Variants in YTHDC2 observed in about 807,000 individuals in gnomAD.
YTHDC2 encodes the protein 3'-5' RNA helicase YTHDC2.
Under a neutral mutation model 174.9 loss-of-function variants are expected in YTHDC2, and 45 were observed. The observed-to-expected ratio is 0.26, with a 90% confidence interval of 0.20 to 0.33. The LOEUF is 0.33. Ranked by LOEUF, YTHDC2 falls within the 10% of genes least tolerant of loss-of-function variation. YTHDC2 has a pLI of 1.00. For synonymous variants in YTHDC2, 657 were observed against 574.5 expected, an observed-to-expected ratio of 1.14 and a Z score of -2.05; for missense variants, 1,650 against 1,723.7, an observed-to-expected ratio of 0.96 and a Z score of 0.76.
intron 3 of YTHDC2, among the ~76,000 whole-genome samples, chr5:113,525,982 T>TA (rs1188650424): frequency 6.6e-6 from 1 of 152,138 alleles, no homozygotes; most frequent in Non-Finnish European, 1.5e-5. Context: ...TCTGTTTAGT[T>TA]AAATGTGGAT....
rs1370289205 is a variant in YTHDC2 at position 113,594,491 on chromosome 5, T to C, written c.*1017T>C. 1 of 152,204 alleles carries C rather than the reference T, an allele frequency of 6.6e-6. No individual in the cohort carries two copies. The highest frequency in any genetic ancestry group is 1.5e-5 in the Non-Finnish European group (1 of 68,034). The allele number at this position is 152,204 out of a possible 1,614,324, so 9.4% of individuals were successfully genotyped here. A position where few individuals can be genotyped will look rare whatever the true frequency, so the allele number is the denominator to read the frequency against. On this transcript the variant is annotated 3_prime_UTR_variant, in exon 30 of 30. Transcript: ENST00000161863. ...TTTCACTGGCTTATGTTTTCAGATA[T>C]GATTTTCCTTTTTCGCATATATGGT...
intron 2 of YTHDC2, among the ~76,000 whole-genome samples, chr5:113,520,701 A>T (rs1773804039): frequency 6.6e-6 from 1 of 152,174 alleles, no homozygotes; most frequent in Non-Finnish European, 1.5e-5. Flanking sequence ...GTTCTTTCTT[A>T]TACATTAAAT....
chr5:113,588,240 T>C (rs1305956249), intron 26 of YTHDC2, among the ~76,000 whole-genome samples: 1 of 152,092 alleles, frequency 6.6e-6, no homozygotes, highest in Non-Finnish European at 1.5e-5. Context: ...CAGCAAAATA[T>C]TGTTCAGTGT....
In YTHDC2 at chr5:113,563,930, A is replaced by G. The variant is rs1561679242; in HGVS notation, c.2514A>G (p.Glu838=). Residue 838 remains glutamate (E), a synonymous_variant, in exon 20 of 30, where the codon GAA becomes GAG. Transcript: ENST00000161863. The part of the protein sequence containing the change: ...LGYHLADLPV[E]PHLGKMVLCA... ...ATCATTTGGCTGACTTGCCAGTAGA[A>G]CCACATCTTGGTAAAATGGTCTTGT... is the stretch of plus-strand genomic sequence containing the variant. The G allele has an allele frequency of 4.3e-6, 7 of 1,614,136 alleles. No homozygotes were observed. The Middle Eastern group carries it at 4.9e-4, about 114-fold the overall frequency.
rs111274825 is a variant in YTHDC2, at chr5:113,568,117, A to T, written c.3244+268A>T. ...TTTCTTTTCCACTTGAATTTAAATGATAGTTTAACGTAAATAAAGTTAATT... is the reference window on the plus strand; with the variant it reads ...TTTCTTTTCCACTTGAATTTAAATGTTAGTTTAACGTAAATAAAGTTAATT... On this transcript the variant is annotated intron_variant, in intron 23 of 29. Transcript: ENST00000161863. Among the ~76,000 whole-genome samples, 159 of 152,230 alleles carry T rather than the reference A, an allele frequency of 1.0e-3. 5 individuals carry two copies. The highest frequency in any genetic ancestry group is 3.6e-3 in the African/African-American group (150 of 41,558).
intron 7 of YTHDC2, among the ~76,000 whole-genome samples, chr5:113,537,050 C>T (rs750065720): frequency 3.9e-5 from 6 of 152,030 alleles, no homozygotes; most frequent in African/African-American, 4.8e-5. Flanking sequence ...CTAGATCCCC[C>T]GCCTCGCCCC....
intron 5 of YTHDC2, among the ~76,000 whole-genome samples, chr5:113,533,617 T>C (rs1774847508): frequency 6.6e-6 from 1 of 152,134 alleles, no homozygotes; most frequent in South Asian, 2.1e-4. Flanking sequence ...GCCTCAGTGT[T>C]CTTATCTATA....
At chr5:113,566,680 A>G (rs1411144773) in intron 21 of YTHDC2, among the ~76,000 whole-genome samples, 6 of 152,160 alleles carry the variant, frequency 3.9e-5, no homozygotes, top group African/African-American at 1.4e-4. Context: ...AAATTACCAT[A>G]TATTTACTTG....
At chr5:113,568,565 CT>C in intron 23 of YTHDC2, among the ~76,000 whole-genome samples, 1 of 152,230 alleles carries the variant, frequency 6.6e-6, no homozygotes, top group Non-Finnish European at 1.5e-5. Flanking sequence ...TGTTGTTCCC[CT>C]GTCTGTGTCC....
chr5:113,565,873 C>A lies in YTHDC2; in HGVS notation c.2716-20C>A. The A allele has an allele frequency of 6.2e-7, 1 of 1,606,950 alleles. No individual in the cohort carries two copies. ...CGATTAGTAAATGTGTCTTGTTATG[C>A]AATTATTCTCTTTTTATAGGCCTGG... On this transcript the variant is annotated intron_variant, in intron 20 of 29. Transcript: ENST00000161863.
chr5:113,584,505 G>A (rs1035395374), intron 26 of YTHDC2, 26 bp downstream of exon 26: 1 of 1,561,448 alleles, frequency 6.4e-7, no homozygotes, highest in African/African-American at 1.4e-5. Context: ...AGAAAATGTA[G>A]TAAGGAACAG....
intron 23 of YTHDC2, among the ~76,000 whole-genome samples, chr5:113,571,704 AGTAT>A: frequency 6.6e-6 from 1 of 152,202 alleles, no homozygotes; most frequent in East Asian, 1.9e-4. Context: ...CAGTCTCAGG[AGTAT>A]GTATGTGTCC....
intron 12 of YTHDC2, among the ~76,000 whole-genome samples, chr5:113,552,518 T>C (rs1472014895): frequency 6.6e-6 from 1 of 152,208 alleles, no homozygotes; most frequent in Non-Finnish European, 1.5e-5. Flanking sequence ...TTATGACTAA[T>C]ACATATTCTA....
At chr5:113,516,755 A>G (rs1773453476) in intron 2 of YTHDC2, among the ~76,000 whole-genome samples, 1 of 152,236 alleles carries the variant, frequency 6.6e-6, no homozygotes, top group East Asian at 1.9e-4. Flanking sequence ...GAGGGAAAAC[A>G]AAACTTTATT....
In YTHDC2 at chr5:113,581,709, G is replaced by T; in HGVS notation, c.3647G>T (p.Arg1216Ile). Residue 1216 changes from arginine to isoleucine, a missense_variant and splice_region_variant, in exon 25 of 30, where the codon AGA becomes ATA. Physicochemically the swap from Arg to Ile is moderately conservative, Grantham distance 97 (BLOSUM62 -3). Transcript: ENST00000161863. ...TCTGATGAGTGTACTACTGCAGAAA[G>T]GTAAATTTATGACATTTTACCAAAA... ...EFSDECTTAERVLMKSPSPAL... is the reference protein window; with the variant it reads ...EFSDECTTAEIVLMKSPSPAL... The T allele has an allele frequency of 6.7e-7, 1 of 1,493,374 alleles. No individual in the cohort carries two copies. Among genetic ancestry groups the T allele is most frequent in the Non-Finnish European group, 8.9e-7 (1 of 1,120,172 alleles). The allele number at this position is 1,493,374 out of a possible 1,614,324, so 92.5% of individuals were successfully genotyped here.
chr5:113,529,638 G>A (rs1296540986), intron 4 of YTHDC2, among the ~76,000 whole-genome samples: 2 of 151,666 alleles, frequency 1.3e-5, no homozygotes, highest in Non-Finnish European at 2.9e-5. Flanking sequence ...TCTTTTATTT[G>A]CCTCTTATCT....
At chr5:113,548,871 AC>A in intron 11 of YTHDC2, 83 bp from the exon 12 acceptor site, 1 of 1,327,096 alleles carries the variant, frequency 7.5e-7, no homozygotes, top group Non-Finnish European at 1.0e-6. Context: ...TTTTGAAAAG[AC>A]AGGGTCTTGA....
At chr5:113,545,380 T>C (rs1489823985) in intron 10 of YTHDC2, among the ~76,000 whole-genome samples, 2 of 151,826 alleles carry the variant, frequency 1.3e-5, no homozygotes, top group Non-Finnish European at 2.9e-5. Flanking sequence ...TTGTTTTGTT[T>C]TGTTTTGTTT....
intron 12 of YTHDC2, among the ~76,000 whole-genome samples, chr5:113,550,864 A>G (rs919720928): frequency 4.1e-4 from 62 of 152,096 alleles, no homozygotes; most frequent in Non-Finnish European, 7.4e-5. Context: ...ATAAATTTAC[A>G]TTAGATATTT....
Sources: allele counts gnomAD v4.1 joint callset (sites outside exome capture counted in the v4.1 genomes callset), GRCh38; gene constraint gnomAD v4.1.1; transcripts MANE v1.5; gene names NCBI Gene and HGNC (gene_info 2026-07-23, HGNC 2026-07-21).